Variants in GPC5 observed in about 807,000 individuals in gnomAD.
The protein encoded by GPC5 is glypican-5.
A neutral mutation model predicts 53.9 loss-of-function variants in GPC5; 47 were observed. The observed-to-expected ratio is 0.87, with a 90% CI of 0.69 to 1.11. The LOEUF (loss-of-function observed/expected upper bound fraction) is 1.11, where lower values mean the gene tolerates loss of function less well. Ranked by LOEUF, GPC5 falls within the 50% of genes most tolerant of loss-of-function variation. The pLI, the probability that GPC5 is intolerant of heterozygous loss-of-function variation, is 0.00. For synonymous variants in GPC5, 286 were observed against 263.3 expected, an observed-to-expected ratio of 1.09 and a Z score of -0.84; for missense variants, 748 against 713.1, an observed-to-expected ratio of 1.05 and a Z score of -0.56.
intron 2 of GPC5, among the ~76,000 whole-genome samples, chr13:91,549,278 A>AT (rs1284592839): frequency 2.0e-5 from 3 of 150,482 alleles, no homozygotes; most frequent in Admixed American, 1.3e-4. Context: ...AAAAAAAAAA[A>AT]GGCAAAAACT....
chr13:92,722,978 A>T (rs1888544669), intron 7 of GPC5, among the ~76,000 whole-genome samples: 1 of 151,830 alleles, frequency 6.6e-6, no homozygotes, highest in Non-Finnish European at 1.5e-5. Context: ...CCAAAAAATT[A>T]TGTACTTAGA....
chr13:92,692,421 T>A (rs997584721), intron 7 of GPC5, among the ~76,000 whole-genome samples: 3 of 151,562 alleles, frequency 2.0e-5, no homozygotes. Context: ...AAATGGTAAT[T>A]CAGCTCTTAT....
chr13:92,568,076 C>A (rs1234659484), intron 7 of GPC5, among the ~76,000 whole-genome samples: 2 of 152,174 alleles, frequency 1.3e-5, no homozygotes, highest in Admixed American at 6.6e-5. Flanking sequence ...TATCCCAGCA[C>A]TCTGGCAGGC....
At chr13:91,482,946 G>A (rs1320198214) in intron 2 of GPC5, among the ~76,000 whole-genome samples, 6 of 151,712 alleles carry the variant, frequency 4.0e-5, no homozygotes, top group Admixed American at 3.9e-4. Flanking sequence ...GAGTACAGCT[G>A]AAATTGAAGT....
At chr13:92,410,544 C>A (rs928431918) in intron 7 of GPC5, among the ~76,000 whole-genome samples, 8 of 152,162 alleles carry the variant, frequency 5.3e-5, no homozygotes, top group African/African-American at 1.9e-4. Context: ...ACCCATTCAT[C>A]TTAATGCCTT....
intron 7 of GPC5, among the ~76,000 whole-genome samples, chr13:92,591,984 T>C (rs1298159820): frequency 6.6e-6 from 1 of 152,178 alleles, no homozygotes; most frequent in Non-Finnish European, 1.5e-5. Context: ...CACTTTTCCC[T>C]GAAGTGGCTG....
intron 2 of GPC5, among the ~76,000 whole-genome samples, chr13:91,532,232 A>G (rs1057135682): frequency 4.6e-5 from 7 of 152,210 alleles, no homozygotes; most frequent in Admixed American, 3.3e-4. Flanking sequence ...TAAATTGCAA[A>G]TGGTATTGAA....
chr13:92,318,684 T>C (rs887343280), intron 7 of GPC5, among the ~76,000 whole-genome samples: 3 of 152,196 alleles, frequency 2.0e-5, no homozygotes, highest in Non-Finnish European at 4.4e-5. Context: ...ACCATCTTAA[T>C]AAGCAGTAAT....
intron 7 of GPC5, among the ~76,000 whole-genome samples, chr13:92,730,381 G>C (rs1446891379): frequency 6.6e-6 from 1 of 151,212 alleles, no homozygotes; most frequent in South Asian, 2.1e-4. Flanking sequence ...ATATTACTAT[G>C]ATACCACCTT....
At chr13:91,658,746 C>G (rs927921658) in intron 2 of GPC5, among the ~76,000 whole-genome samples, 27 of 152,110 alleles carry the variant, frequency 1.8e-4, no homozygotes, top group Non-Finnish European at 1.8e-4. Flanking sequence ...CTCAACTTTC[C>G]TCCATCATCC....
chr13:92,390,152 T>G (rs1407157612), intron 7 of GPC5, among the ~76,000 whole-genome samples: 1 of 152,164 alleles, frequency 6.6e-6, no homozygotes, highest in Admixed American at 6.6e-5. Context: ...TGTAATAGTT[T>G]GTCCTGAAGG....
chr13:92,168,193 T>C (rs1374415181), intron 7 of GPC5, among the ~76,000 whole-genome samples: 1 of 152,132 alleles, frequency 6.6e-6, no homozygotes, highest in Non-Finnish European at 1.5e-5. Context: ...TAACTGAAGA[T>C]GGATTAAAGA....
chr13:92,042,177 G>A (rs988931585), intron 6 of GPC5, among the ~76,000 whole-genome samples: 2 of 152,144 alleles, frequency 1.3e-5, no homozygotes, highest in South Asian at 2.1e-4. Context: ...CCCCCATGCA[G>A]CCTCCAAGGT....
chr13:92,408,447 T>A (rs6492607), intron 7 of GPC5, among the ~76,000 whole-genome samples: 93,960 of 151,856 alleles, frequency 0.62, 29,322 homozygotes, highest in East Asian at 0.74. Context: ...TCACTCATTT[T>A]TCCTTTCCAT....
At chr13:92,247,012 G>A (rs2042656054) in intron 7 of GPC5, among the ~76,000 whole-genome samples, 1 of 152,052 alleles carries the variant, frequency 6.6e-6, no homozygotes, top group Non-Finnish European at 1.5e-5. Flanking sequence ...TCTCCCACAA[G>A]GACAATGGTT....
Position 92,393,146 on chromosome 13 carries a change from A to G in GPC5, c.1561+248157A>G, listed in dbSNP as rs1380201618. The stretch of plus-strand genomic sequence containing the variant: ...TCACAATTGCAAAGATATGGAATCA[A>G]TCTAAAAGCCCATCAGTGACAGACT... On this transcript the variant is annotated intron_variant, in intron 7 of 7. Coordinates refer to ENST00000377067, the MANE Select transcript of GPC5 (RefSeq NM_004466.6). Among the ~76,000 whole-genome samples the G allele has an allele frequency of 2.0e-5, 3 of 152,206 alleles. No homozygotes were observed. In the East Asian group the frequency reaches 5.8e-4, roughly 29 times the overall value.
intron 5 of GPC5, among the ~76,000 whole-genome samples, chr13:91,846,272 A>T (rs189747559): frequency 2.6e-4 from 40 of 152,204 alleles, no homozygotes; most frequent in Non-Finnish European, 4.4e-4. Flanking sequence ...CTCAATTAAC[A>T]TATAATCCTA....
intron 7 of GPC5, among the ~76,000 whole-genome samples, chr13:92,407,567 T>C (rs1875848013): frequency 6.6e-6 from 1 of 152,186 alleles, no homozygotes; most frequent in African/African-American, 2.4e-5. Flanking sequence ...TTTTGAGACA[T>C]GTGTCACAAT....
intron 2 of GPC5, among the ~76,000 whole-genome samples, chr13:91,674,130 C>T (rs1045479737): frequency 3.0e-4 from 45 of 152,066 alleles, no homozygotes; most frequent in African/African-American, 1.1e-3. Context: ...TTTCATGCAT[C>T]AAGTATTTGA....
Sources: allele counts gnomAD v4.1 joint callset (sites outside exome capture counted in the v4.1 genomes callset), GRCh38; gene constraint gnomAD v4.1.1; transcripts MANE v1.5; gene names NCBI Gene and HGNC (gene_info 2026-07-23, HGNC 2026-07-21).